Variants in SDK1 observed in about 807,000 individuals in gnomAD.
SDK1 encodes the protein sidekick cell adhesion molecule 1, also known as protein sidekick-1.
SDK1 carries 157 observed loss-of-function variants against 245.5 expected under a neutral mutation model. That is an observed-to-expected ratio of 0.64 (90% CI 0.56 to 0.73). SDK1 has a LOEUF of 0.73. Ranked by LOEUF, SDK1 falls within the 30% of genes least tolerant of loss-of-function variation. SDK1 has a pLI of 0.00. For missense variants in SDK1, 3,583 were observed against 3,002.3 expected (o/e 1.19, Z -4.52); for synonymous variants, 1,647 against 1,278.5 (o/e 1.29, Z -6.15).
At chr7:3,769,762 G>A (rs140046738) in intron 4 of SDK1, among the ~76,000 whole-genome samples, 1,609 of 152,074 alleles carry the variant, frequency 0.011, 11 homozygotes, top group Non-Finnish European at 0.018. Flanking sequence ...GAGTTACCAG[G>A]CCTGGCTTAC....
chr7:4,139,609 G>GTGTATA lies in SDK1; in HGVS notation c.4229-6109_4229-6104dup, dbSNP rs1562872230. The stretch of plus-strand genomic sequence containing the variant: ...TGTGTGTGTATATGTATATATGTGT[G>GTGTATA]TGTATATGTGTGTGTGTATATGTAT... On this transcript the variant is annotated intron_variant, in intron 28 of 44. Coordinates refer to ENST00000404826, the MANE Select transcript of SDK1 (RefSeq NM_152744.4). 3.0e-5 allele frequency among the ~76,000 whole-genome samples: 2 copies of GTGTATA among 66,996 alleles called. 1 individual carries two copies. The highest frequency in any genetic ancestry group is 6.0e-5 in the Non-Finnish European group (2 of 33,400). The allele number at this position is 66,996 out of a possible 152,430, so 44.0% of individuals were successfully genotyped here.
At chr7:3,769,980 A>G (rs994465157) in intron 4 of SDK1, among the ~76,000 whole-genome samples, 13 of 150,352 alleles carry the variant, frequency 8.6e-5, no homozygotes, top group African/African-American at 3.2e-4. Context: ...ATTTACGGCT[A>G]TGTAATTTTA....
intron 40 of SDK1, among the ~76,000 whole-genome samples, chr7:4,223,379 A>G (rs534607058): frequency 1.3e-4 from 20 of 152,334 alleles, no homozygotes; most frequent in African/African-American, 4.6e-4. Flanking sequence ...CACAACAGAC[A>G]TGGGTTGTCT....
At chr7:3,453,341 A>G (rs993423690) in intron 1 of SDK1, among the ~76,000 whole-genome samples, 7 of 152,174 alleles carry the variant, frequency 4.6e-5, no homozygotes, top group Non-Finnish European at 1.0e-4. Flanking sequence ...GGGCCAAATA[A>G]TGTTATTCCT....
intron 20 of SDK1, among the ~76,000 whole-genome samples, chr7:4,076,622 A>G (rs1229411820): frequency 1.3e-5 from 2 of 152,252 alleles, no homozygotes; most frequent in Non-Finnish European, 2.9e-5. Flanking sequence ...AAATGCATTC[A>G]TAATTTGACA....
At chr7:3,775,416 C>CT (rs78644130) in intron 4 of SDK1, among the ~76,000 whole-genome samples, 1,525 of 150,624 alleles carry the variant, frequency 0.01, 20 homozygotes, top group African/African-American at 0.033. Flanking sequence ...CAAAGAAAGC[C>CT]TTTTTTTTTA....
chr7:4,230,329 G>C (rs1470780289), intron 40 of SDK1, among the ~76,000 whole-genome samples: 1 of 147,526 alleles, frequency 6.8e-6, no homozygotes, highest in South Asian at 2.3e-4. Flanking sequence ...TGAATGGATG[G>C]ATGGATGAAT....
intron 20 of SDK1, among the ~76,000 whole-genome samples, chr7:4,072,445 A>T (rs565298818): frequency 2.0e-5 from 3 of 152,274 alleles, no homozygotes; most frequent in Admixed American, 6.5e-5. Flanking sequence ...ATGAGATCGG[A>T]TGTTATCACC....
intron 1 of SDK1, among the ~76,000 whole-genome samples, chr7:3,453,925 A>C (rs1187386534): frequency 1.3e-5 from 2 of 152,170 alleles, no homozygotes; most frequent in Non-Finnish European, 2.9e-5. Flanking sequence ...TTGACTGTTA[A>C]GTAATCACAT....
At chr7:3,793,389 T>C (rs1312718199) in intron 4 of SDK1, among the ~76,000 whole-genome samples, 1 of 152,182 alleles carries the variant, frequency 6.6e-6, no homozygotes, top group Non-Finnish European at 1.5e-5. Context: ...TTTGAAGATC[T>C]TATGCTCTAC....
rs551653785 is a variant in SDK1 at position 3,575,296 on chromosome 7, G to A, written c.299-43784G>A. 1.5e-4 allele frequency among the ~76,000 whole-genome samples: 23 copies of A among 152,000 alleles called. No individual in the cohort carries two copies. The South Asian group carries it at 3.3e-3, about 22-fold the overall frequency. Reference sequence around the variant, plus strand: ...GGAGACAGCACGCATGAATTCTCTGGTGTCTCTTCTTGTAAGGGCACCAAT... The same window carrying A: ...GGAGACAGCACGCATGAATTCTCTGATGTCTCTTCTTGTAAGGGCACCAAT... On this transcript the variant is annotated intron_variant, in intron 1 of 44. Transcript: ENST00000404826.
At chr7:3,445,307 G>A (rs1015726929) in intron 1 of SDK1, among the ~76,000 whole-genome samples, 2 of 152,224 alleles carry the variant, frequency 1.3e-5, no homozygotes, top group Non-Finnish European at 2.9e-5. Context: ...ACAAAAATGG[G>A]CTCAATAATA....
intron 1 of SDK1, among the ~76,000 whole-genome samples, chr7:3,581,893 G>A (rs972347632): frequency 6.6e-6 from 1 of 152,230 alleles, no homozygotes; most frequent in African/African-American, 2.4e-5. Context: ...AACTAACACA[G>A]GAACAGAAAA....
chr7:3,953,419 G>A (rs1780989640), intron 7 of SDK1, among the ~76,000 whole-genome samples: 1 of 152,156 alleles, frequency 6.6e-6, no homozygotes, highest in Admixed American at 6.5e-5. Flanking sequence ...TACATGAGAG[G>A]CCTGAGCTGG....
chr7:3,708,730 C>T (rs1027482014), intron 4 of SDK1, among the ~76,000 whole-genome samples: 4 of 152,250 alleles, frequency 2.6e-5, no homozygotes, highest in African/African-American at 4.8e-5. Context: ...CTCCATTCAA[C>T]ATTGGAAATT....
At chr7:3,760,949 T>C (rs774992734) in intron 4 of SDK1, among the ~76,000 whole-genome samples, 2 of 152,246 alleles carry the variant, frequency 1.3e-5, no homozygotes, top group Non-Finnish European at 2.9e-5. Context: ...ACTCTTCATC[T>C]GTTGAAGAAT....
At chr7:3,627,540 A>C (rs1490361479) in intron 2 of SDK1, among the ~76,000 whole-genome samples, 1 of 152,168 alleles carries the variant, frequency 6.6e-6, no homozygotes, top group Admixed American at 6.5e-5. Context: ...GGTCAAATAT[A>C]AGCATCCAGT....
intron 1 of SDK1, among the ~76,000 whole-genome samples, chr7:3,405,359 C>G (rs1303160282): frequency 6.6e-6 from 1 of 152,026 alleles, no homozygotes; most frequent in Non-Finnish European, 1.5e-5. Context: ...TATCACTGCA[C>G]AAAGGAGCAC....
At chr7:3,894,080 C>T (rs371340134) in intron 5 of SDK1, among the ~76,000 whole-genome samples, 4 of 152,134 alleles carry the variant, frequency 2.6e-5, no homozygotes, top group African/African-American at 7.2e-5. Flanking sequence ...CTAAATATGG[C>T]AAGGAGTGTT....
Sources: allele counts gnomAD v4.1 joint callset (sites outside exome capture counted in the v4.1 genomes callset), GRCh38; gene constraint gnomAD v4.1.1; transcripts MANE v1.5; gene names NCBI Gene and HGNC (gene_info 2026-07-23, HGNC 2026-07-21).